The following COPS3 variants were observed in gnomAD, a reference collection of about 807,000 sequenced individuals.
COPS3 encodes the protein COP9 signalosome complex subunit 3.
Under a neutral mutation model 58.2 loss-of-function variants are expected in COPS3, and 10 were observed. That is an observed-to-expected ratio of 0.17 (90% CI 0.11 to 0.29). The LOEUF is 0.29. Among genes scored for constraint, COPS3 ranks in the 10% least tolerant of loss-of-function variants. COPS3 has a pLI of 1.00. For synonymous variants in COPS3, 187 were observed against 181.7 expected, an observed-to-expected ratio of 1.03 and a Z score of -0.24; for missense variants, 333 against 510.1, an observed-to-expected ratio of 0.65 and a Z score of 3.34.
chr17:17,264,882 A>G lies in COPS3; in HGVS notation c.541T>C (p.Phe181Leu). 1 of 1,613,802 alleles carries G rather than the reference A, an allele frequency of 6.2e-7. No individual in the cohort carries two copies. Among genetic ancestry groups the G allele is most frequent in the Non-Finnish European group, 8.5e-7 (1 of 1,179,710 alleles). The part of the protein sequence containing the change: ...KENGAYDAKH[F>L]LCYYYYGGMI... The stretch of plus-strand genomic sequence containing the variant: ...CCTCCATAATAATAGTAACATAAAA[A>G]GTGTTTTGCATCATAGGCTCCATTC... The change falls in exon 6 of 12, where the codon TTT (phenylalanine) becomes CTT (leucine). Residue 181 changes from phenylalanine to leucine, a missense_variant. Coordinates refer to ENST00000268717, the MANE Select transcript of COPS3 (RefSeq NM_003653.4).
At chr17:17,277,289 C>G (rs985280771) in intron 1 of COPS3, among the ~76,000 whole-genome samples, 2 of 152,198 alleles carry the variant, frequency 1.3e-5, no homozygotes, top group Non-Finnish European at 2.9e-5. Context: ...TTTCAGTAAA[C>G]TCAGGTGGAG....
intron 9 of COPS3, among the ~76,000 whole-genome samples, chr17:17,252,299 G>T (rs926830482): frequency 6.6e-6 from 1 of 152,090 alleles, no homozygotes; most frequent in African/African-American, 2.4e-5. Flanking sequence ...TTCCAGAAGG[G>T]TTTCTCAAGC....
In COPS3 at chr17:17,267,957, G is replaced by A. The variant is rs376782981; in HGVS notation, c.369C>T (p.Ile123=). 4 of 1,613,848 alleles carry A rather than the reference G, an allele frequency of 2.5e-6. No individual in the cohort carries two copies. The highest frequency in any genetic ancestry group is 3.4e-6 in the Non-Finnish European group (4 of 1,179,918). Residue 123 remains isoleucine, a synonymous_variant, in exon 5 of 12, where the codon ATC becomes ATT. Coordinates refer to ENST00000268717, the MANE Select transcript of COPS3 (RefSeq NM_003653.4). ...GCATCTTGTCTATGGCTTGCTTAAG[G>A]ATGCCAATTCCTCGCAGGGGCTGTC... ...ERKQPLRGIG[I]LKQAIDKMQM...
At chr17:17,248,476 G>A (rs1479495464) in intron 10 of COPS3, among the ~76,000 whole-genome samples, 3 of 151,986 alleles carry the variant, frequency 2.0e-5, no homozygotes, top group South Asian at 2.1e-4. Flanking sequence ...CACCACACCC[G>A]GCTGATTTTT....
At chr17:17,263,803 C>G (rs2048164301) in intron 6 of COPS3, among the ~76,000 whole-genome samples, 1 of 152,202 alleles carries the variant, frequency 6.6e-6, no homozygotes, top group Admixed American at 6.5e-5. Flanking sequence ...CGTGAGCCAC[C>G]GCACTCGGAC....
chr17:17,267,616 C>A (rs1012223956), intron 5 of COPS3, among the ~76,000 whole-genome samples: 1 of 135,516 alleles, frequency 7.4e-6, no homozygotes, highest in East Asian at 2.2e-4. Flanking sequence ...CCAGCATGGG[C>A]GACAAAGTGA....
At chr17:17,261,292 C>T (rs990743800) in intron 7 of COPS3, among the ~76,000 whole-genome samples, 1 of 150,790 alleles carries the variant, frequency 6.6e-6, no homozygotes, top group East Asian at 2.0e-4. Context: ...TTTGGGAGGC[C>T]GAGGCGGGTG....
rs2047986340 is a variant in COPS3, at chr17:17,256,804, T to A, written c.937-1859A>T. ...TGAGATCTTACTTAGTTGCCCAGACTGGTTTCAAGCTCCTGGTTTCAACGT... is the reference window on the plus strand; with the variant it reads ...TGAGATCTTACTTAGTTGCCCAGACAGGTTTCAAGCTCCTGGTTTCAACGT... On this transcript the variant is annotated intron_variant, in intron 8 of 11. Coordinates refer to ENST00000268717, the MANE Select transcript of COPS3 (RefSeq NM_003653.4). 2.0e-5 allele frequency among the ~76,000 whole-genome samples: 3 copies of A among 152,112 alleles called. No individual in the cohort carries two copies. The South Asian group carries it at 6.2e-4, about 32-fold the overall frequency.
rs1421496879 is a variant in COPS3, at chr17:17,265,180, T to C, written c.442-199A>G. Among the ~76,000 whole-genome samples the C allele has an allele frequency of 2.6e-5, 4 of 152,200 alleles. No homozygotes were observed. In the East Asian group the frequency reaches 7.7e-4, roughly 29 times the overall value. On this transcript the variant is annotated intron_variant, in intron 5 of 11. Transcript: ENST00000268717. Reference sequence around the variant, plus strand: ...TTAGGACCACAAGTGTTTCAAATTTTGGAATATTTGCAGAATACATACCAG... The same window carrying C: ...TTAGGACCACAAGTGTTTCAAATTTCGGAATATTTGCAGAATACATACCAG...
chr17:17,247,647 A>ATAGG, intron 10 of COPS3, 87 bp from the exon 11 acceptor site: 1 of 1,311,186 alleles, frequency 7.6e-7, no homozygotes, highest in Non-Finnish European at 1.1e-6. Flanking sequence ...CAAGGGTGCT[A>ATAGG]TAGGTTCACA....
chr17:17,257,984 A>G (rs2048015879), intron 8 of COPS3, among the ~76,000 whole-genome samples: 1 of 152,066 alleles, frequency 6.6e-6, no homozygotes, highest in Non-Finnish European at 1.5e-5. Context: ...AGTAAGAAAA[A>G]CTTGGCTAGA....
intron 1 of COPS3, among the ~76,000 whole-genome samples, chr17:17,278,864 A>C (rs1400515064): frequency 6.6e-6 from 1 of 151,822 alleles, no homozygotes; most frequent in East Asian, 1.9e-4. Flanking sequence ...GTGGCCAATA[A>C]AATTCTTTTT....
chr17:17,253,977 CGA>C (rs1289694019), intron 9 of COPS3, among the ~76,000 whole-genome samples: 1 of 142,002 alleles, frequency 7.0e-6, no homozygotes, highest in African/African-American at 2.6e-5. Context: ...GGCAACAAAG[CGA>C]GAGTCCGCCT....
intron 9 of COPS3, among the ~76,000 whole-genome samples, chr17:17,252,773 C>T (rs1708623): frequency 0.46 from 70,451 of 152,074 alleles, 17,265 homozygotes; most frequent in East Asian, 0.63. Context: ...TTGGGGAAAG[C>T]GTCTATAGCT....
At chr17:17,267,327 CAAAAA>C (rs778325363) in intron 5 of COPS3, among the ~76,000 whole-genome samples, 4 of 50,378 alleles carry the variant, frequency 7.9e-5, no homozygotes, top group African/African-American at 2.5e-4. Context: ...GACTCCGTCT[CAAAAA>C]AAAAAAAAAA....
At chr17:17,258,308 A>AT (rs1296614665) in intron 8 of COPS3, among the ~76,000 whole-genome samples, 5 of 151,824 alleles carry the variant, frequency 3.3e-5, no homozygotes, top group African/African-American at 1.2e-4. Context: ...TCAAAAAAAA[A>AT]TTTTTTTTGA....
chr17:17,263,968 C>T (rs2145223239), intron 6 of COPS3, among the ~76,000 whole-genome samples: 1 of 152,326 alleles, frequency 6.6e-6, no homozygotes, highest in South Asian at 2.1e-4. Context: ...AGAGAAGCCA[C>T]CTTGAAGATT....
chr17:17,267,046 A>C (rs1416704555), intron 5 of COPS3, among the ~76,000 whole-genome samples: 1 of 151,278 alleles, frequency 6.6e-6, no homozygotes, highest in Non-Finnish European at 1.5e-5. Flanking sequence ...GGATTTTAAA[A>C]AAAGTTACAG....
intron 9 of COPS3, among the ~76,000 whole-genome samples, chr17:17,253,611 A>G (rs1020825971): frequency 6.6e-6 from 1 of 152,154 alleles, no homozygotes. Flanking sequence ...CAAAACCCTC[A>G]GTGACGGAAG....
Sources: allele counts gnomAD v4.1 joint callset (sites outside exome capture counted in the v4.1 genomes callset), GRCh38; gene constraint gnomAD v4.1.1; transcripts MANE v1.5; gene names NCBI Gene and HGNC (gene_info 2026-07-23, HGNC 2026-07-21).